NGEF: variants seen among roughly 807,000 people sequenced by gnomAD.
The protein encoded by NGEF is neuronal guanine nucleotide exchange factor.
A neutral mutation model predicts 80.9 loss-of-function variants in NGEF; 31 were observed. The ratio of observed to expected loss-of-function variants is 0.38; its 90% CI spans 0.29 to 0.52. NGEF has a LOEUF of 0.52. Among genes scored for constraint, NGEF ranks in the 20% least tolerant of loss-of-function variants. NGEF has a pLI of 0.84. For missense variants in NGEF, 709 were observed against 926.2 expected (o/e 0.77, Z 3.04); for synonymous variants, 371 against 370.2 (o/e 1.00, Z -0.03).
chr2:233,006,290 G>A (rs1695082381), intron 1 of NGEF, among the ~76,000 whole-genome samples: 1 of 152,168 alleles, frequency 6.6e-6, no homozygotes, highest in African/African-American at 2.4e-5. Context: ...GGAGCATCAG[G>A]GTTTTGCTGG....
At chr2:232,974,186 G>T (rs149745373) in intron 2 of NGEF, among the ~76,000 whole-genome samples, 1 of 152,148 alleles carries the variant, frequency 6.6e-6, no homozygotes, top group African/African-American at 2.4e-5. Flanking sequence ...CTATTCCCAA[G>T]GTTTTAATCT....
chr2:232,918,210 G>T (rs895500014), intron 5 of NGEF, among the ~76,000 whole-genome samples: 1 of 152,064 alleles, frequency 6.6e-6, no homozygotes, highest in African/African-American at 2.4e-5. Context: ...CACCCACCTC[G>T]GCCTCCCAAA....
intron 1 of NGEF, among the ~76,000 whole-genome samples, chr2:232,996,696 T>C (rs1434181856): frequency 3.9e-5 from 6 of 152,108 alleles, no homozygotes; most frequent in African/African-American, 1.4e-4. Context: ...GGTTTCACCA[T>C]ATTGGCCAGG....
chr2:232,904,907 C>A (rs1426265964), intron 5 of NGEF, among the ~76,000 whole-genome samples: 1 of 152,220 alleles, frequency 6.6e-6, no homozygotes, highest in Non-Finnish European at 1.5e-5. Flanking sequence ...CGCACCACTG[C>A]ACTCCCGCCT....
At chr2:232,990,903 C>T (rs1036474872) in intron 1 of NGEF, among the ~76,000 whole-genome samples, 1 of 151,934 alleles carries the variant, frequency 6.6e-6, no homozygotes, top group African/African-American at 2.4e-5. Flanking sequence ...AGAATTTATC[C>T]CAGGAATGCA....
At chr2:232,901,375 T>A in intron 5 of NGEF, 1 of 985,534 alleles carries the variant, frequency 1.0e-6, no homozygotes, top group African/African-American at 1.7e-5. Flanking sequence ...CACGGTCTCC[T>A]TATGATCCAG....
chr2:232,887,907 G>A (rs1691744447), intron 9 of NGEF, 126 bp downstream of exon 9: 5 of 778,696 alleles, frequency 6.4e-6, no homozygotes, highest in African/African-American at 5.2e-5. Flanking sequence ...TTGCAAAAGT[G>A]AATTTTAAAA....
intron 1 of NGEF, among the ~76,000 whole-genome samples, chr2:232,987,614 T>C (rs575078116): frequency 5.3e-5 from 8 of 152,240 alleles, no homozygotes; most frequent in African/African-American, 1.7e-4. Context: ...CATGGGCCCA[T>C]TCCAGAGTCT....
At chr2:232,980,604 T>G (rs935382645) in intron 1 of NGEF, among the ~76,000 whole-genome samples, 99 of 152,194 alleles carry the variant, frequency 6.5e-4, no homozygotes, top group African/African-American at 2.3e-3. Flanking sequence ...GTTCAAATGA[T>G]TCTTCTGCCT....
At chr2:232,899,253 T>C (rs1188838419) in intron 5 of NGEF, among the ~76,000 whole-genome samples, 1 of 141,838 alleles carries the variant, frequency 7.1e-6, no homozygotes, top group Non-Finnish European at 1.6e-5. Flanking sequence ...CGTGTGAACG[T>C]ACGTGTCACT....
At chr2:232,914,598 G>A (rs1325324253) in intron 5 of NGEF, among the ~76,000 whole-genome samples, 1 of 152,172 alleles carries the variant, frequency 6.6e-6, no homozygotes, top group Non-Finnish European at 1.5e-5. Context: ...AGCCACTTGG[G>A]AGGCTGAGGC....
At chr2:232,895,705 C>T (rs957116816) in intron 5 of NGEF, among the ~76,000 whole-genome samples, 3 of 152,012 alleles carry the variant, frequency 2.0e-5, no homozygotes, top group East Asian at 1.9e-4. Context: ...ACGAGTGTCA[C>T]GGGTGGAATC....
chr2:232,961,634 A>G (rs549536509), intron 3 of NGEF, among the ~76,000 whole-genome samples: 20 of 152,146 alleles, frequency 1.3e-4, no homozygotes, highest in Admixed American at 9.8e-4. Flanking sequence ...CTGGGACTAC[A>G]GGTGCCCGCC....
intron 3 of NGEF, among the ~76,000 whole-genome samples, chr2:232,941,508 A>G (rs928688263): frequency 6.6e-6 from 1 of 152,258 alleles, no homozygotes; most frequent in East Asian, 1.9e-4. Flanking sequence ...CTTGGAGGTT[A>G]GAAGGAAGAT....
chr2:232,886,297 G>T (rs10454739), intron 9 of NGEF, among the ~76,000 whole-genome samples: 54 of 151,456 alleles, frequency 3.6e-4, no homozygotes, highest in Middle Eastern at 3.4e-3. Context: ...TGCGTGCTGT[G>T]TGTACTGTGT....
At chr2:232,959,814 GGT>G (rs897090951) in intron 3 of NGEF, among the ~76,000 whole-genome samples, 5 of 152,110 alleles carry the variant, frequency 3.3e-5, no homozygotes, top group African/African-American at 1.2e-4. Flanking sequence ...CCCAACCTCA[GGT>G]AATCTGCCCG....
rs2106205465 is a variant in NGEF at position 232,879,735 on chromosome 2, C to G, written c.1943-56G>C. 4 of 1,535,380 alleles carry G rather than the reference C, an allele frequency of 2.6e-6. No homozygotes were observed. The South Asian group carries it at 4.7e-5, about 18-fold the overall frequency. ...GTGCTCCTGCAGGGCACAGGCTGCA[C>G]AGAGGCTCCCTCCTGGCCAGGGCCC... On this transcript the variant is annotated intron_variant, in intron 14 of 14. Transcript: ENST00000264051.
chr2:232,894,970 G>A (rs1692011968), intron 5 of NGEF, 54 bp from the exon 6 acceptor site: 6 of 1,509,158 alleles, frequency 4.0e-6, no homozygotes, highest in Non-Finnish European at 4.5e-6. Context: ...CCACGAAGGC[G>A]CTAGCCTTGG....
chr2:232,948,954 G>A (rs577136308), intron 3 of NGEF, among the ~76,000 whole-genome samples: 1 of 152,186 alleles, frequency 6.6e-6, no homozygotes, highest in South Asian at 2.1e-4. Flanking sequence ...GGAGGCAGAG[G>A]TTGCAGTGAG....
Sources: allele counts gnomAD v4.1 joint callset (sites outside exome capture counted in the v4.1 genomes callset), GRCh38; gene constraint gnomAD v4.1.1; transcripts MANE v1.5; gene names NCBI Gene and HGNC (gene_info 2026-07-23, HGNC 2026-07-21).